The following RGS7 variants were observed in gnomAD, a reference collection of about 807,000 sequenced individuals.
RGS7 encodes regulator of G protein signaling 7.
RGS7 carries 27 observed loss-of-function variants against 81.1 expected under a neutral mutation model. That is an observed-to-expected ratio of 0.33 (90% CI 0.25 to 0.46). The LOEUF (loss-of-function observed/expected upper bound fraction) is 0.46, where lower values mean the gene tolerates loss of function less well. Ranked by LOEUF, RGS7 falls within the 20% of genes least tolerant of loss-of-function variation. The pLI, the probability that RGS7 is intolerant of heterozygous loss-of-function variation, is 1.00. For synonymous variants in RGS7, 208 were observed against 207.7 expected (o/e 1.00, Z -0.01); for missense variants, 396 against 607.4 (o/e 0.65, Z 3.66).
intron 2 of RGS7, among the ~76,000 whole-genome samples, chr1:241,208,563 GC>G (rs1235978835): frequency 1.3e-5 from 2 of 152,106 alleles, no homozygotes; most frequent in East Asian, 3.9e-4. Flanking sequence ...TTCCCAGTCA[GC>G]CCCGCCCCCA....
intron 4 of RGS7, among the ~76,000 whole-genome samples, chr1:240,978,941 A>G (rs1489526464): frequency 1.3e-5 from 2 of 152,190 alleles, no homozygotes; most frequent in Non-Finnish European, 2.9e-5. Flanking sequence ...AATTTTCTTC[A>G]ACTAGGAAAA....
At chr1:241,275,677 A>C (rs946384976) in intron 2 of RGS7, among the ~76,000 whole-genome samples, 1 of 152,200 alleles carries the variant, frequency 6.6e-6, no homozygotes, top group Non-Finnish European at 1.5e-5. Flanking sequence ...TCTTTTTCTA[A>C]TGATTCCACA....
intron 2 of RGS7, among the ~76,000 whole-genome samples, chr1:241,157,005 TC>T (rs2069205001): frequency 6.6e-6 from 1 of 152,196 alleles, no homozygotes; most frequent in Non-Finnish European, 1.5e-5. Context: ...TTGCATATAT[TC>T]ATTACATACA....
chr1:240,860,421 T>G (rs1041351972), intron 9 of RGS7, among the ~76,000 whole-genome samples: 1 of 152,192 alleles, frequency 6.6e-6, no homozygotes, highest in Non-Finnish European at 1.5e-5. Context: ...TATTATGTCT[T>G]TATGAAGAAT....
At chr1:241,307,956 G>C (rs1052574949) in intron 2 of RGS7, among the ~76,000 whole-genome samples, 1 of 152,150 alleles carries the variant, frequency 6.6e-6, no homozygotes, top group Non-Finnish European at 1.5e-5. Flanking sequence ...GTCATGTGTT[G>C]ATACTCAGCT....
intron 2 of RGS7, among the ~76,000 whole-genome samples, chr1:241,174,050 C>T (rs1169039566): frequency 1.3e-5 from 2 of 152,154 alleles, no homozygotes; most frequent in African/African-American, 2.4e-5. Flanking sequence ...GCAAATCATT[C>T]CCAAATGTGC....
intron 2 of RGS7, among the ~76,000 whole-genome samples, chr1:241,121,678 A>ATGCTAGTCTAT (rs2066264304): frequency 1.4e-5 from 2 of 138,784 alleles, no homozygotes; most frequent in South Asian, 4.6e-4. Flanking sequence ...GTTTATATAT[A>ATGCTAGTCTAT]TGCTAGTCTA....
At chr1:241,135,115 G>A (rs1572843317) in intron 2 of RGS7, among the ~76,000 whole-genome samples, 1 of 152,256 alleles carries the variant, frequency 6.6e-6, no homozygotes, top group South Asian at 2.1e-4. Context: ...GACCGCCTGT[G>A]CCCAGGCGCT....
chr1:240,846,385 T>C (rs563527113), intron 9 of RGS7, among the ~76,000 whole-genome samples: 1 of 152,286 alleles, frequency 6.6e-6, no homozygotes, highest in Admixed American at 6.5e-5. Context: ...AAAGAACTCA[T>C]GCGCCACAGC....
chr1:241,123,840 T>C (rs1438713038), intron 2 of RGS7, among the ~76,000 whole-genome samples: 1 of 152,214 alleles, frequency 6.6e-6, no homozygotes, highest in Admixed American at 6.5e-5. Context: ...TGCAGACCTA[T>C]GTCCTAGTCA....
In RGS7 at chr1:240,904,830, G is replaced by T. The variant is rs185436679; in HGVS notation, c.385+25887C>A. On this transcript the variant is annotated intron_variant, in intron 6 of 18. Coordinates refer to ENST00000440928, the MANE Select transcript of RGS7 (RefSeq NM_001364886.1). ...AACATATTTTTAAAATGTTGAATAA[G>T]GGACAGTTCAGATCTTTTTCAATTT... Among the ~76,000 whole-genome samples the T allele has an allele frequency of 6.2e-4, 95 of 152,264 alleles. 1 individual carries two copies. The highest frequency in any genetic ancestry group is 6.1e-3 in the Admixed American group (94 of 15,286).
In RGS7 at chr1:240,829,439, C is replaced by A. The variant is rs975811768; in HGVS notation, c.610-2267G>T. On this transcript the variant is annotated intron_variant, in intron 9 of 18. Coordinates refer to ENST00000440928, the MANE Select transcript of RGS7 (RefSeq NM_001364886.1). ...TCTAAGCATTTGTTTTTTAAAAAGACCCCCGGGGATTTTAATCTGCAGCCG... is the reference window on the plus strand; with the variant it reads ...TCTAAGCATTTGTTTTTTAAAAAGAACCCCGGGGATTTTAATCTGCAGCCG... Among the ~76,000 whole-genome samples, 14 of 152,144 alleles carry A rather than the reference C, an allele frequency of 9.2e-5. No homozygotes were observed. In the East Asian group the frequency reaches 2.5e-3, roughly 27 times the overall value.
At chr1:241,013,707 C>A (rs775666442) in intron 3 of RGS7, among the ~76,000 whole-genome samples, 1 of 152,132 alleles carries the variant, frequency 6.6e-6, no homozygotes, top group African/African-American at 2.4e-5. Context: ...TGTCTCTTCC[C>A]ACTCAGGCAA....
intron 3 of RGS7, among the ~76,000 whole-genome samples, chr1:241,067,059 T>A (rs2062106039): frequency 1.3e-5 from 2 of 152,324 alleles, no homozygotes; most frequent in East Asian, 3.9e-4. Flanking sequence ...CCATAGTGTG[T>A]CCTTAAGACT....
chr1:241,218,311 T>C (rs1184420321), intron 2 of RGS7, among the ~76,000 whole-genome samples: 3 of 152,240 alleles, frequency 2.0e-5, no homozygotes, highest in Non-Finnish European at 4.4e-5. Context: ...ATTATTATTA[T>C]CTGTACAATA....
At chr1:241,295,256 G>C (rs999307991) in intron 2 of RGS7, among the ~76,000 whole-genome samples, 1 of 151,704 alleles carries the variant, frequency 6.6e-6, no homozygotes, top group Admixed American at 6.6e-5. Flanking sequence ...AGACCAGCCT[G>C]ACGAACATGA....
chr1:240,998,092 T>C (rs1687568101), intron 3 of RGS7, among the ~76,000 whole-genome samples: 1 of 152,196 alleles, frequency 6.6e-6, no homozygotes, highest in Non-Finnish European at 1.5e-5. Flanking sequence ...GGATTGACAG[T>C]TCTTTCTTTT....
At chr1:241,005,444 A>C (rs1267601091) in intron 3 of RGS7, among the ~76,000 whole-genome samples, 2 of 152,192 alleles carry the variant, frequency 1.3e-5, no homozygotes, top group Non-Finnish European at 2.9e-5. Context: ...ACAAAAAAAA[A>C]CTAGGATTCT....
chr1:240,887,422 G>C (rs957625552), intron 6 of RGS7, among the ~76,000 whole-genome samples: 3 of 152,168 alleles, frequency 2.0e-5, no homozygotes, highest in African/African-American at 7.2e-5. Context: ...TAGAGATGGG[G>C]TTTCACCGTG....
Sources: gnomAD v4.1 joint callset for allele counts (sites outside exome capture counted in the v4.1 genomes callset) on GRCh38, gnomAD v4.1.1 for gene constraint, MANE v1.5 for transcripts, NCBI Gene and HGNC (gene_info 2026-07-23, HGNC 2026-07-21) for gene names.